Variants in SLCO3A1 observed in about 807,000 individuals in gnomAD.
SLCO3A1 encodes the protein solute carrier organic anion transporter family member 3A1.
In SLCO3A1, 27 loss-of-function variants were observed where a neutral mutation model predicts 63.1. That is an observed-to-expected ratio of 0.43 (90% CI 0.32 to 0.59). The LOEUF is 0.59. SLCO3A1 is among the 20% of genes least tolerant of loss of function. The pLI is 0.09. For synonymous variants in SLCO3A1, 473 were observed against 409.9 expected (o/e 1.15, Z -1.86); for missense variants, 773 against 945.8 (o/e 0.82, Z 2.40).
chr15:91,956,226 C>T (rs911192000), intron 2 of SLCO3A1, among the ~76,000 whole-genome samples: 1 of 152,156 alleles, frequency 6.6e-6, no homozygotes, highest in African/African-American at 2.4e-5. Flanking sequence ...ACAGAATTCC[C>T]TGGTGGCTTC....
Position 92,029,188 on chromosome 15 carries a change from C to T in SLCO3A1, c.647-65693C>T, listed in dbSNP as rs1488771333. 5.9e-5 allele frequency among the ~76,000 whole-genome samples: 9 copies of T among 152,034 alleles called. No homozygotes were observed. The South Asian group carries it at 6.2e-4, about 11-fold the overall frequency. ...GAGGAAAATGTTTATTTAAAAACTC[C>T]GCAGCCTCTTATACTTCTATGCCAG... On this transcript the variant is annotated intron_variant, in intron 2 of 9. Coordinates refer to ENST00000318445, the MANE Select transcript of SLCO3A1 (RefSeq NM_013272.4).
chr15:92,082,413 G>A (rs559701111), intron 2 of SLCO3A1, among the ~76,000 whole-genome samples: 4 of 152,266 alleles, frequency 2.6e-5, no homozygotes, highest in Non-Finnish European at 5.9e-5. Context: ...GGATGTTCAA[G>A]CAGCCTGGAA....
chr15:91,879,020 G>A (rs1897477241), intron 1 of SLCO3A1, among the ~76,000 whole-genome samples: 1 of 152,132 alleles, frequency 6.6e-6, no homozygotes, highest in Admixed American at 6.5e-5. Context: ...TATGAAGTAC[G>A]TGACTCTATT....
At chr15:92,167,253 T>A (rs1021443259), downstream of SLCO3A1, among the ~76,000 whole-genome samples, 2 of 152,214 alleles carry the variant, frequency 1.3e-5, no homozygotes, top group Non-Finnish European at 2.9e-5. Context: ...ACCAGACACA[T>A]GGCAGGGGCC....
At chr15:92,155,019 C>T (rs571632958) in intron 9 of SLCO3A1, among the ~76,000 whole-genome samples, 44 of 152,132 alleles carry the variant, frequency 2.9e-4, no homozygotes, top group Middle Eastern at 6.8e-3. Flanking sequence ...GGGTCAAGAG[C>T]GTGGATGTTG....
At chr15:92,048,674 G>A (rs537668183) in intron 2 of SLCO3A1, among the ~76,000 whole-genome samples, 4 of 152,222 alleles carry the variant, frequency 2.6e-5, no homozygotes, top group Admixed American at 6.5e-5. Context: ...CGAGGTGTGC[G>A]GATCACCAGA....
chr15:92,145,680 A>G (rs773793264), intron 7 of SLCO3A1, among the ~76,000 whole-genome samples: 1 of 152,200 alleles, frequency 6.6e-6, no homozygotes, highest in African/African-American at 2.4e-5. Flanking sequence ...GCAGAGGTAC[A>G]TGAGAAGGAA....
At position 92,165,858 on chromosome 15, in the gene SLCO3A1, T is replaced by C. The variant is rs2048489932; in HGVS notation, c.*2723T>C. The C allele has an allele frequency of 1.0e-6, 1 of 985,230 alleles. No individual in the cohort carries two copies. The highest frequency in any genetic ancestry group is 1.7e-5 in the African/African-American group (1 of 57,226). The allele number at this position is 985,230 out of a possible 1,614,324, so 61.0% of individuals were successfully genotyped here. ...GATTTCCTGGTAAGATCATTGGATTTACAGAATACAAAAATGTACGGGATG... is the reference window on the plus strand; with the variant it reads ...GATTTCCTGGTAAGATCATTGGATTCACAGAATACAAAAATGTACGGGATG... On this transcript the variant is annotated 3_prime_UTR_variant, in exon 10 of 10. Transcript: ENST00000318445.
intron 2 of SLCO3A1, among the ~76,000 whole-genome samples, chr15:92,004,381 C>T (rs2046289928): frequency 6.6e-6 from 1 of 152,202 alleles, no homozygotes; most frequent in Admixed American, 6.5e-5. Flanking sequence ...TGCAGGGCAT[C>T]ATAGCACAGC....
intron 2 of SLCO3A1, among the ~76,000 whole-genome samples, chr15:92,077,364 C>A (rs193297207): frequency 6.6e-6 from 1 of 152,112 alleles, no homozygotes; most frequent in South Asian, 2.1e-4. Flanking sequence ...TTGACAGACA[C>A]GGCGTGAGGA....
downstream of SLCO3A1, among the ~76,000 whole-genome samples, chr15:92,168,377 T>G (rs1252055286): frequency 6.6e-6 from 1 of 152,226 alleles, no homozygotes; most frequent in Non-Finnish European, 1.5e-5. Context: ...GGCCAAGTAG[T>G]AAACATTTTA....
intron 2 of SLCO3A1, among the ~76,000 whole-genome samples, chr15:91,943,172 G>A (rs1314125850): frequency 1.5e-4 from 23 of 152,180 alleles, no homozygotes; most frequent in Admixed American, 1.5e-3. Flanking sequence ...CACTCCCAGT[G>A]TTGTGCAATC....
At chr15:92,097,829 C>G (rs2047558857) in intron 3 of SLCO3A1, 1 of 152,176 alleles carries the variant, frequency 6.6e-6, no homozygotes, top group Non-Finnish European at 1.5e-5. Flanking sequence ...CTATAGTTGC[C>G]AGCAGTTTTT....
intron 2 of SLCO3A1, among the ~76,000 whole-genome samples, chr15:92,025,826 G>T (rs192457014): frequency 6.6e-6 from 1 of 152,318 alleles, no homozygotes; most frequent in East Asian, 1.9e-4. Context: ...GTGATGCATG[G>T]CAGTAAGAGT....
At chr15:92,046,685 T>C (rs2151492021) in intron 2 of SLCO3A1, among the ~76,000 whole-genome samples, 1 of 152,142 alleles carries the variant, frequency 6.6e-6, no homozygotes, top group East Asian at 1.9e-4. Flanking sequence ...GAATCAACTG[T>C]GAAGCCCCAT....
intron 2 of SLCO3A1, among the ~76,000 whole-genome samples, chr15:92,040,263 A>G (rs1185081562): frequency 6.6e-6 from 1 of 152,208 alleles, no homozygotes; most frequent in Non-Finnish European, 1.5e-5. Context: ...CTTCATTAAT[A>G]CTAATTTTGC....
intron 4 of SLCO3A1, among the ~76,000 whole-genome samples, chr15:92,114,745 A>G (rs2047772495): frequency 6.6e-6 from 1 of 152,094 alleles, no homozygotes; most frequent in African/African-American, 2.4e-5. Flanking sequence ...CCTCATGGCA[A>G]CTCAACATTC....
chr15:92,030,770 G>A (rs1210874943), intron 2 of SLCO3A1, among the ~76,000 whole-genome samples: 1 of 152,124 alleles, frequency 6.6e-6, no homozygotes, highest in Non-Finnish European at 1.5e-5. Flanking sequence ...CCTCACCTGT[G>A]CTTCCTGGTA....
chr15:92,122,303 T>C (rs879309869), intron 5 of SLCO3A1, among the ~76,000 whole-genome samples: 2 of 152,206 alleles, frequency 1.3e-5, no homozygotes, highest in African/African-American at 2.4e-5. Context: ...CTTCGTCTTC[T>C]CTGTAAAGTA....
Sources: allele counts gnomAD v4.1 joint callset (sites outside exome capture counted in the v4.1 genomes callset), GRCh38; gene constraint gnomAD v4.1.1; transcripts MANE v1.5; gene names NCBI Gene and HGNC (gene_info 2026-07-23, HGNC 2026-07-21).